The following CASD1 variants were observed in gnomAD, a reference collection of about 807,000 sequenced individuals.
CASD1 encodes N-acetylneuraminate (7)9-O-acetyltransferase.
CASD1 carries 41 observed loss-of-function variants against 100.0 expected under a neutral mutation model. The observed-to-expected ratio is 0.41, with a 90% confidence interval of 0.32 to 0.53. The LOEUF is 0.53. Among genes scored for constraint, CASD1 ranks in the 20% least tolerant of loss-of-function variants. The pLI is 0.25. For missense variants in CASD1, 774 were observed against 948.7 expected (o/e 0.82, Z 2.42); for synonymous variants, 321 against 315.6 (o/e 1.02, Z -0.18).
At chr7:94,614,121 A>C in the CASD1 span, among the ~76,000 whole-genome samples, 10 of 151,376 alleles carry the variant, frequency 6.6e-5, no homozygotes, top group Non-Finnish European at 1.2e-4. Flanking sequence ...AAAAAAAAAA[A>C]AAAAAAAAAC....
At chr7:94,579,218 T>TAAAAAAAA in the CASD1 span, among the ~76,000 whole-genome samples, 1 of 136,042 alleles carries the variant, frequency 7.4e-6, no homozygotes, top group African/African-American at 2.7e-5. Context: ...TTTTAAATGT[T>TAAAAAAAA]AAAAAAAAAA....
At chr7:94,627,496 C>T in the CASD1 span, 2 of 152,100 alleles carry the variant, frequency 1.3e-5, no homozygotes, top group African/African-American at 2.4e-5. Context: ...CAACGCCTCC[C>T]ATTCCCATCA....
intron 5 of CASD1, among the ~76,000 whole-genome samples, chr7:94,529,873 A>G (rs963601943): frequency 1.3e-5 from 2 of 152,268 alleles, no homozygotes; most frequent in African/African-American, 4.8e-5. Flanking sequence ...ATATTTGAGA[A>G]CTGTGAGTTA....
the CASD1 span, among the ~76,000 whole-genome samples, chr7:94,566,095 G>C: frequency 1.3e-5 from 2 of 152,102 alleles, no homozygotes; most frequent in Non-Finnish European, 2.9e-5. Flanking sequence ...CCTCACAATA[G>C]GTTTTTTGAA....
At chr7:94,547,409 G>A (rs183704267) in intron 13 of CASD1, among the ~76,000 whole-genome samples, 1 of 151,846 alleles carries the variant, frequency 6.6e-6, no homozygotes, top group Non-Finnish European at 1.5e-5. Context: ...AGTTGTTCAA[G>A]ATCCGTTTTA....
Position 94,555,624 on chromosome 7 carries a change from C to G in CASD1, c.2260C>G (p.Gln754Glu). ...IFVCVAHEISQITNDLAQIII... is the reference protein window; with the variant it reads ...IFVCVAHEISEITNDLAQIII... Reference sequence around the variant, plus strand: ...TGTTTGTGTGGCACATGAAATTTCTCAGATCACTAATGATCTTGCACAGAT... The same window carrying G: ...TGTTTGTGTGGCACATGAAATTTCTGAGATCACTAATGATCTTGCACAGAT... Residue 754 changes from glutamine (Q) to glutamate (E), a missense_variant, in exon 18 of 18, where the codon CAG becomes GAG. Gln to Glu is a conservative substitution (Grantham distance 29). This residue lies in a region of CASD1 where 175 missense variants were observed against 206.9 expected (regional missense o/e 0.85). Coordinates refer to ENST00000297273, the MANE Select transcript of CASD1 (RefSeq NM_022900.5). 6.2e-7 allele frequency: 1 copy of G among 1,613,598 alleles called. No individual in the cohort carries two copies. The highest frequency in any genetic ancestry group is 8.5e-7 in the Non-Finnish European group (1 of 1,179,690).
the CASD1 span, among the ~76,000 whole-genome samples, chr7:94,611,461 G>C: frequency 1.5e-5 from 2 of 131,862 alleles, no homozygotes; most frequent in South Asian, 5.1e-4. Context: ...GAGACAGCAA[G>C]TTCCTTAGTG....
At chr7:94,559,359 T>C (rs537696222), downstream of CASD1, among the ~76,000 whole-genome samples, 21 of 151,552 alleles carry the variant, frequency 1.4e-4, no homozygotes, top group Admixed American at 1.3e-3. Flanking sequence ...ATAATTTCTT[T>C]TACAATTACG....
At chr7:94,554,303 A>G (rs1796099615) in intron 16 of CASD1, 180 bp from the exon 17 acceptor site, 2 of 483,220 alleles carry the variant, frequency 4.1e-6, no homozygotes, top group South Asian at 3.4e-5. Context: ...TGAGAAATCC[A>G]GTTTGGGTAG....
intron 5 of CASD1, among the ~76,000 whole-genome samples, chr7:94,532,463 C>T (rs1405942168): frequency 6.6e-6 from 1 of 152,046 alleles, no homozygotes; most frequent in Non-Finnish European, 1.5e-5. Context: ...CAGCGTGATA[C>T]CCTGGACAAA....
chr7:94,587,623 T>C, the CASD1 span: 1 of 1,424,628 alleles, frequency 7.0e-7, no homozygotes, highest in South Asian at 1.6e-5. Context: ...ATCAATCTCC[T>C]GAATGCTTAC....
chr7:94,514,240 C>T lies in CASD1; in HGVS notation c.134-3320C>T, dbSNP rs141626289. 2.5e-3 allele frequency among the ~76,000 whole-genome samples: 373 copies of T among 152,160 alleles called. 1 individual carries two copies. The highest frequency in any genetic ancestry group is 3.9e-3 in the Non-Finnish European group (264 of 67,996). On this transcript the variant is annotated intron_variant, in intron 1 of 17. Coordinates refer to ENST00000297273, the MANE Select transcript of CASD1 (RefSeq NM_022900.5). The stretch of plus-strand genomic sequence containing the variant: ...GCAAGAAAGCAGCAGCTCTGGGTCT[C>T]TTAGCCTTTTCTTTCTTTGACTGTT...
chr7:94,553,265 CA>C (rs1796035388), intron 16 of CASD1: 1 of 180,288 alleles, frequency 5.5e-6, no homozygotes, highest in East Asian at 1.6e-4. Flanking sequence ...ATGAACCTTT[CA>C]AAGTAAAGCT....
the CASD1 span, among the ~76,000 whole-genome samples, chr7:94,566,217 A>T: frequency 6.6e-6 from 1 of 152,226 alleles, no homozygotes; most frequent in Non-Finnish European, 1.5e-5. Context: ...GCTTCATCAA[A>T]ACACCAGAAA....
chr7:94,629,711 G>C, the CASD1 span: 1 of 1,610,362 alleles, frequency 6.2e-7, no homozygotes, highest in African/African-American at 1.3e-5. Context: ...TCCTCACAAA[G>C]AACATACCAG....
At chr7:94,632,686 C>T in the CASD1 span, among the ~76,000 whole-genome samples, 10 of 152,104 alleles carry the variant, frequency 6.6e-5, 1 homozygote, top group Admixed American at 6.6e-4. Context: ...CAGGCACCCA[C>T]ACAACATTTT....
At chr7:94,540,207 T>G (rs899115249) in intron 10 of CASD1, among the ~76,000 whole-genome samples, 3 of 152,148 alleles carry the variant, frequency 2.0e-5, no homozygotes, top group Non-Finnish European at 4.4e-5. Flanking sequence ...ATGCAAACTT[T>G]CCATAAAATA....
chr7:94,552,471 T>A (rs1795998392), intron 16 of CASD1, 44 bp downstream of exon 16: 3 of 1,468,364 alleles, frequency 2.0e-6, no homozygotes, highest in South Asian at 2.4e-5. Flanking sequence ...TAATTCTTGA[T>A]AAGAAAATGG....
the CASD1 span, chr7:94,590,538 G>A: frequency 6.6e-6 from 1 of 152,116 alleles, no homozygotes; most frequent in Non-Finnish European, 1.5e-5. Context: ...ATTAGTTTAT[G>A]AAAATGTACA....
Sources: allele counts gnomAD v4.1 joint callset (sites outside exome capture counted in the v4.1 genomes callset), GRCh38; gene constraint gnomAD v4.1.1; regional missense constraint gnomAD v4.1.1; transcripts MANE v1.5; gene names NCBI Gene and HGNC (gene_info 2026-07-23, HGNC 2026-07-21).